Variants in AGPAT3 observed in about 807,000 individuals in gnomAD.
AGPAT3 encodes 1-acyl-sn-glycerol-3-phosphate acyltransferase gamma.
A neutral mutation model predicts 47.3 loss-of-function variants in AGPAT3; 5 were observed. That is an observed-to-expected ratio of 0.11 (90% CI 0.06 to 0.22). AGPAT3 has a LOEUF of 0.22. AGPAT3 is among the 10% of genes least tolerant of loss of function. AGPAT3 has a pLI of 1.00. For missense variants in AGPAT3, 315 were observed against 493.0 expected, an observed-to-expected ratio of 0.64 and a Z score of 3.42; for synonymous variants, 212 against 208.3, an observed-to-expected ratio of 1.02 and a Z score of -0.15.
intron 1 of AGPAT3, among the ~76,000 whole-genome samples, chr21:43,895,836 G>A (rs532167863): frequency 2.0e-4 from 30 of 152,070 alleles, no homozygotes; most frequent in Non-Finnish European, 4.1e-4. Context: ...GCACAGTCTC[G>A]GCTCACTGCA....
At chr21:43,871,364 C>T (rs1462531432) in intron 1 of AGPAT3, among the ~76,000 whole-genome samples, 1 of 152,180 alleles carries the variant, frequency 6.6e-6, no homozygotes, top group East Asian at 1.9e-4. Context: ...ATTGGAAAAA[C>T]AACGTAACTC....
In AGPAT3 at chr21:43,970,765, C is replaced by T; in HGVS notation, c.623C>T (p.Thr208Ile). 1 of 1,605,620 alleles carries T rather than the reference C, an allele frequency of 6.2e-7. No individual in the cohort carries two copies. Among genetic ancestry groups the T allele is most frequent in the Non-Finnish European group, 8.5e-7 (1 of 1,174,100 alleles). Residue 208 changes from threonine (T) to isoleucine (I), a missense_variant, in exon 6 of 10, where the codon ACC (threonine) becomes ATC (isoleucine). Physicochemically the swap from Thr to Ile is moderately conservative, Grantham distance 89. Transcript: ENST00000291572. This position sits in a 1 kb window ranked among gnomAD's most constrained non-coding sequence, Gnocchi z 5.8. ...CTCAAGTACCACCTGCTGCCGCGGACCAAGGGCTTCACCACCGCAGTCAAG... is the reference window on the plus strand; with the variant it reads ...CTCAAGTACCACCTGCTGCCGCGGATCAAGGGCTTCACCACCGCAGTCAAG... ...PVLKYHLLPRTKGFTTAVKCL... is the reference protein window; with the variant it reads ...PVLKYHLLPRIKGFTTAVKCL...
At chr21:43,895,836 G>C (rs532167863) in intron 1 of AGPAT3, among the ~76,000 whole-genome samples, 4 of 152,070 alleles carry the variant, frequency 2.6e-5, no homozygotes, top group Non-Finnish European at 5.9e-5. Flanking sequence ...GCACAGTCTC[G>C]GCTCACTGCA....
intron 7 of AGPAT3, among the ~76,000 whole-genome samples, chr21:43,976,544 T>G (rs961204967): frequency 6.6e-6 from 1 of 152,252 alleles, no homozygotes; most frequent in African/African-American, 2.4e-5. Flanking sequence ...AGGCAAGATT[T>G]TATGAATTTC....
intron 2 of AGPAT3, among the ~76,000 whole-genome samples, chr21:43,943,390 C>T (rs996183150): frequency 3.9e-5 from 6 of 152,158 alleles, no homozygotes; most frequent in Admixed American, 1.3e-4. Flanking sequence ...TCATTTTCTA[C>T]TTGTAAACCA....
chr21:43,943,144 A>G (rs1489285199), intron 2 of AGPAT3, among the ~76,000 whole-genome samples: 1 of 151,944 alleles, frequency 6.6e-6, no homozygotes, highest in Non-Finnish European at 1.5e-5. Flanking sequence ...GAGTGATCTC[A>G]GCTCACTGCA....
chr21:43,923,667 T>A (rs568725115), intron 2 of AGPAT3, among the ~76,000 whole-genome samples: 46 of 152,308 alleles, frequency 3.0e-4, no homozygotes, highest in African/African-American at 1.1e-3. Flanking sequence ...CTCAGGGAAA[T>A]ACCAGCTGTG....
Position 43,874,336 on chromosome 21 carries a change from C to G in AGPAT3, c.-112+8991C>G, listed in dbSNP as rs542929197. Among the ~76,000 whole-genome samples, 10 of 152,338 alleles carry G rather than the reference C, an allele frequency of 6.6e-5. No individual in the cohort carries two copies. The East Asian group carries it at 1.9e-3, about 29-fold the overall frequency. On this transcript the variant is annotated intron_variant, in intron 1 of 9. Coordinates refer to ENST00000291572, the MANE Select transcript of AGPAT3 (RefSeq NM_020132.5). ...CCACCACGCCCGGTCCTGTCATAAG[C>G]ATTTAAGTCTATGTAGCTTTCCTAC...
intron 1 of AGPAT3, among the ~76,000 whole-genome samples, chr21:43,872,655 ACT>A (rs1336288569): frequency 6.6e-6 from 1 of 151,420 alleles, no homozygotes; most frequent in Admixed American, 6.6e-5. Context: ...AGTGGTGAAG[ACT>A]CTGTTTCTTC....
intron 2 of AGPAT3, among the ~76,000 whole-genome samples, chr21:43,928,842 T>C (rs993820638): frequency 1.1e-4 from 17 of 152,182 alleles, no homozygotes; most frequent in Non-Finnish European, 2.2e-4. Flanking sequence ...TGTTTCACAA[T>C]GAGCTGAAAT....
intron 2 of AGPAT3, among the ~76,000 whole-genome samples, chr21:43,945,996 C>T (rs1013289956): frequency 3.3e-5 from 5 of 152,152 alleles, no homozygotes; most frequent in African/African-American, 1.2e-4. Flanking sequence ...CAGGACTCCC[C>T]TCTCTGCCCA....
chr21:43,883,260 C>T (rs754167589), intron 1 of AGPAT3, among the ~76,000 whole-genome samples: 12 of 152,304 alleles, frequency 7.9e-5, no homozygotes, highest in Non-Finnish European at 1.5e-4. Context: ...CCTGGACCTC[C>T]GTGATCAGCC....
chr21:43,978,919 G>C (rs886372264), intron 8 of AGPAT3, among the ~76,000 whole-genome samples: 1 of 152,120 alleles, frequency 6.6e-6, no homozygotes, highest in South Asian at 2.1e-4. Flanking sequence ...TTCCACTGTC[G>C]GCCTTGTGGG....
In AGPAT3 at chr21:43,930,945, G is replaced by A. The variant is rs560407084; in HGVS notation, c.-49+26926G>A. On this transcript the variant is annotated intron_variant, in intron 2 of 9. Coordinates refer to ENST00000291572, the MANE Select transcript of AGPAT3 (RefSeq NM_020132.5). This position sits in a 1 kb window ranked among gnomAD's most constrained non-coding sequence, Gnocchi z 5.0. Reference sequence around the variant, plus strand: ...AGATTGTTTTTATGGCCCCCACTACGTGAGATCCTGGGGCAGGGGCTGTGG... The same window carrying A: ...AGATTGTTTTTATGGCCCCCACTACATGAGATCCTGGGGCAGGGGCTGTGG... Among the ~76,000 whole-genome samples, 38 of 152,270 alleles carry A rather than the reference G, an allele frequency of 2.5e-4. No homozygotes were observed. The highest frequency in any genetic ancestry group is 8.7e-4 in the African/African-American group (36 of 41,562).
intron 1 of AGPAT3, among the ~76,000 whole-genome samples, chr21:43,870,080 G>T (rs2085590276): frequency 6.6e-6 from 1 of 152,186 alleles, no homozygotes; most frequent in African/African-American, 2.4e-5. Context: ...TCATTATGCG[G>T]CACGGGCGGG....
intron 1 of AGPAT3, among the ~76,000 whole-genome samples, chr21:43,881,978 A>C (rs574370102): frequency 6.6e-6 from 1 of 152,338 alleles, no homozygotes; most frequent in East Asian, 1.9e-4. Flanking sequence ...TTTTTTTGCC[A>C]ATTTCTTTTT....
chr21:43,940,589 A>G (rs1904688440), intron 2 of AGPAT3, among the ~76,000 whole-genome samples: 1 of 152,230 alleles, frequency 6.6e-6, no homozygotes, highest in Non-Finnish European at 1.5e-5. Context: ...GAGCGGTTTC[A>G]TACCATCTGG....
At chr21:43,931,922 C>CGTGTGTGT (rs55978822) in intron 2 of AGPAT3, among the ~76,000 whole-genome samples, 18 of 145,760 alleles carry the variant, frequency 1.2e-4, no homozygotes, top group East Asian at 4.0e-4. Context: ...AAGAGGATCT[C>CGTGTGTGT]GTGTGTGTGT....
At chr21:43,898,424 A>T (rs2086276693) in intron 1 of AGPAT3, among the ~76,000 whole-genome samples, 2 of 152,224 alleles carry the variant, frequency 1.3e-5, no homozygotes, top group African/African-American at 4.8e-5. Flanking sequence ...TTATTAAACG[A>T]ATCTACAATT....
Sources: allele counts gnomAD v4.1 joint callset (sites outside exome capture counted in the v4.1 genomes callset), GRCh38; gene constraint gnomAD v4.1.1; non-coding constraint Gnocchi (gnomAD v3.1); transcripts MANE v1.5; gene names NCBI Gene and HGNC (gene_info 2026-07-23, HGNC 2026-07-21).